Variants in ARHGEF10 observed in about 807,000 individuals in gnomAD.
The protein encoded by ARHGEF10 is Rho guanine nucleotide exchange factor 10.
In ARHGEF10, 140 loss-of-function variants were observed where a neutral mutation model predicts 147.4. The observed-to-expected ratio is 0.95, with a 90% confidence interval of 0.83 to 1.09. The LOEUF (loss-of-function observed/expected upper bound fraction) is 1.09. Among genes scored for constraint, ARHGEF10 ranks in the 50% least tolerant of loss-of-function variants. ARHGEF10 has a pLI of 0.00. For missense variants in ARHGEF10, 2,222 were observed against 1,752.7 expected (o/e 1.27, Z -4.78); for synonymous variants, 902 against 695.8 (o/e 1.30, Z -4.67).
rs377259565 is a variant in ARHGEF10, at chr8:1,925,453, T to A, written c.2610+49T>A. On this transcript the variant is annotated intron_variant, in intron 22 of 28. Transcript: ENST00000349830. ...CCCGGGGTGGGACGCACCTCGCAGC[T>A]CTGAATGGGCCACTTGGGAGATGAT... 3.1e-4 allele frequency: 499 copies of A among 1,609,704 alleles called. 1 individual carries two copies. The highest frequency in any genetic ancestry group is 5.7e-4 in the Admixed American group (34 of 59,912).
intron 1 of ARHGEF10, among the ~76,000 whole-genome samples, chr8:1,828,965 A>G (rs1368680037): frequency 6.6e-6 from 1 of 152,264 alleles, no homozygotes; most frequent in Non-Finnish European, 1.5e-5. Context: ...AACATGAGAA[A>G]AGTGAGTCCA....
Position 1,866,664 on chromosome 8 carries a change from G to A in ARHGEF10, c.622+62G>A, listed in dbSNP as rs537188505. ...CACGCTCCACAGACGTCACTGCGGCGGGGCCGGGTCCCTGAGTCTCAGGTC... is the reference window on the plus strand; with the variant it reads ...CACGCTCCACAGACGTCACTGCGGCAGGGCCGGGTCCCTGAGTCTCAGGTC... On this transcript the variant is annotated intron_variant, in intron 6 of 28. Transcript: ENST00000349830. 185 of 1,494,110 alleles carry A rather than the reference G, an allele frequency of 1.2e-4. 4 individuals are homozygous for A. In the South Asian group the frequency reaches 1.4e-3, roughly 11 times the overall value. 92.6% of individuals were successfully genotyped at this position (1,494,110 alleles called of 1,614,324 possible). A position where few individuals can be genotyped will look rare whatever the true frequency, so the allele number is the denominator to read the frequency against.
intron 17 of ARHGEF10, among the ~76,000 whole-genome samples, chr8:1,907,704 T>C (rs1811013168): frequency 6.6e-6 from 1 of 152,218 alleles, no homozygotes; most frequent in Admixed American, 6.5e-5. Context: ...TTCCTTAAAA[T>C]AACGCCCCTG....
At chr8:1,826,428 T>TTGTG (rs750441335) in intron 1 of ARHGEF10, among the ~76,000 whole-genome samples, 1 of 149,824 alleles carries the variant, frequency 6.7e-6, no homozygotes, top group African/African-American at 2.5e-5. Context: ...TGTGTGCGCT[T>TTGTG]TGTGTGTGTG....
intron 6 of ARHGEF10, among the ~76,000 whole-genome samples, chr8:1,868,333 CTGTA>C (rs1806789849): frequency 1.3e-5 from 2 of 152,136 alleles, no homozygotes; most frequent in South Asian, 4.1e-4. Context: ...AAGCGGTTGT[CTGTA>C]TGTTTTTGAT....
At chr8:1,920,707 C>T (rs1239600388) in intron 18 of ARHGEF10, among the ~76,000 whole-genome samples, 1 of 152,132 alleles carries the variant, frequency 6.6e-6, no homozygotes, top group Non-Finnish European at 1.5e-5. Context: ...TGTTATGAAA[C>T]ATTTTAAATT....
intron 1 of ARHGEF10, among the ~76,000 whole-genome samples, chr8:1,842,012 C>A (rs1354981317): frequency 1.2e-5 from 1 of 84,686 alleles, no homozygotes; most frequent in Non-Finnish European, 2.5e-5. Flanking sequence ...GAACTGGGGC[C>A]GCGGCGGGAA....
intron 11 of ARHGEF10, among the ~76,000 whole-genome samples, chr8:1,886,647 T>G (rs1245451261): frequency 1.3e-5 from 2 of 152,168 alleles, no homozygotes; most frequent in Admixed American, 1.3e-4. Context: ...GAGACAGTTG[T>G]TGAGGAGCTG....
chr8:1,951,917 A>C (rs1268781466), intron 27 of ARHGEF10, among the ~76,000 whole-genome samples: 1 of 152,180 alleles, frequency 6.6e-6, no homozygotes, highest in South Asian at 2.1e-4. Context: ...TCTTCCTTGT[A>C]GCCACCGTGA....
chr8:1,866,697 A>G (rs1806652191), intron 6 of ARHGEF10, 95 bp downstream of exon 6: 1 of 1,129,652 alleles, frequency 8.9e-7, no homozygotes, highest in Admixed American at 1.7e-5. Flanking sequence ...GTCCCATCAG[A>G]TCTAAAACTC....
chr8:1,862,379 C>T (rs1249927141), intron 4 of ARHGEF10, among the ~76,000 whole-genome samples: 2 of 152,258 alleles, frequency 1.3e-5, no homozygotes, highest in Non-Finnish European at 2.9e-5. Flanking sequence ...TCCTGCCTAC[C>T]GAAACCAGCT....
At chr8:1,870,233 A>ATTTTTTTTTTTTT (rs60029592) in intron 7 of ARHGEF10, 1 of 98,766 alleles carries the variant, frequency 1.0e-5, no homozygotes, top group Non-Finnish European at 2.0e-5. Flanking sequence ...CTTGTTACCG[A>ATTTTTTTTTTTTT]TTTTTTTTTT....
chr8:1,909,674 G>T (rs990339787), intron 18 of ARHGEF10, among the ~76,000 whole-genome samples: 1 of 152,196 alleles, frequency 6.6e-6, no homozygotes, highest in African/African-American at 2.4e-5. Flanking sequence ...CTTGTCCCAC[G>T]TGCAGCTGGG....
chr8:1,868,742 T>C (rs372927500), intron 6 of ARHGEF10, among the ~76,000 whole-genome samples: 3 of 152,346 alleles, frequency 2.0e-5, no homozygotes, highest in Non-Finnish European at 4.4e-5. Flanking sequence ...ATGGGCTCTT[T>C]TCTTATTTCT....
rs1431766196 is a variant in ARHGEF10, at chr8:1,957,150, G to C, written c.3922G>C (p.Val1308Leu). 28 of 1,612,760 alleles carry C rather than the reference G, an allele frequency of 1.7e-5. No individual in the cohort carries two copies. The highest frequency in any genetic ancestry group is 3.3e-5 in the Admixed American group (2 of 60,028). Residue 1308 changes from valine to leucine, a missense_variant, in exon 29 of 29, where the codon GTG becomes CTG. Val to Leu is a conservative substitution (Grantham distance 32). Coordinates refer to ENST00000349830, the MANE Select transcript of ARHGEF10 (RefSeq NM_014629.4). ...AKKAKASSALVVCGGQGHRRV... is the reference protein window; with the variant it reads ...AKKAKASSALLVCGGQGHRRV... Reference sequence around the variant, plus strand: ...GAAAGCCAAGGCCAGCTCGGCGCTGGTGGTCTGTGGAGGGCAGGGCCACCG... The same window carrying C: ...GAAAGCCAAGGCCAGCTCGGCGCTGCTGGTCTGTGGAGGGCAGGGCCACCG...
intron 23 of ARHGEF10, 104 bp downstream of exon 23, chr8:1,926,567 G>A (rs770541800): frequency 3.4e-5 from 35 of 1,036,872 alleles, no homozygotes; most frequent in Middle Eastern, 2.0e-4. Context: ...GAGAGTTGGC[G>A]GTGGCGTATC....
At chr8:1,857,905 T>C in intron 2 of ARHGEF10, 55 bp from the exon 3 acceptor site, 1 of 1,298,968 alleles carries the variant, frequency 7.7e-7, no homozygotes, top group Non-Finnish European at 1.1e-6. Flanking sequence ...TATCTATCTA[T>C]CTATCTATCT....
chr8:1,840,810 C>T (rs1803972873), intron 1 of ARHGEF10, among the ~76,000 whole-genome samples: 1 of 152,180 alleles, frequency 6.6e-6, no homozygotes, highest in Non-Finnish European at 1.5e-5. Flanking sequence ...CTTTGTCATC[C>T]TGTGGAATCA....
At chr8:1,878,740 C>T (rs1042477017) in intron 8 of ARHGEF10, among the ~76,000 whole-genome samples, 1 of 152,178 alleles carries the variant, frequency 6.6e-6, no homozygotes, top group African/African-American at 2.4e-5. Flanking sequence ...TTCAGGAGAC[C>T]CTGCCCTTGC....
Sources: allele counts gnomAD v4.1 joint callset (sites outside exome capture counted in the v4.1 genomes callset), GRCh38; gene constraint gnomAD v4.1.1; transcripts MANE v1.5; gene names NCBI Gene and HGNC (gene_info 2026-07-23, HGNC 2026-07-21).